CAPN8: variants seen among roughly 807,000 people sequenced by gnomAD.
The protein encoded by CAPN8 is calpain-8.
Under a neutral mutation model 80.9 loss-of-function variants are expected in CAPN8, and 87 were observed. That is an observed-to-expected ratio of 1.07 (90% CI 0.90 to 1.28). The LOEUF (loss-of-function observed/expected upper bound fraction) is 1.28, where lower values mean the gene tolerates loss of function less well. CAPN8 is among the 50% of genes most tolerant of loss of function. CAPN8 has a pLI of 0.00. For synonymous variants in CAPN8, 299 were observed against 273.8 expected (o/e 1.09, Z -0.91); for missense variants, 757 against 702.0 (o/e 1.08, Z -0.89).
intron 1 of CAPN8, among the ~76,000 whole-genome samples, chr1:223,660,812 A>C (rs1164858325): frequency 6.6e-6 from 1 of 152,210 alleles, no homozygotes; most frequent in South Asian, 2.1e-4. Context: ...CCAACACTGA[A>C]GAAGTACAAA....
chr1:223,627,064 C>A lies in CAPN8; in HGVS notation c.654G>T (p.Lys218Asn). ...TGGISEFYDL[K>N]KPPANLYQII... is the part of the protein sequence containing the mutation. ...TCTGATATAGATTGGCTGGTGGTTT[C>A]TTCAGGTCATAAAACTCAGAGATGC... The change falls in exon 5 of 21, where the codon AAG becomes AAT. Residue 218 changes from lysine (K) to asparagine (N), a missense_variant. By Grantham distance (94) the Lys-to-Asn change is moderately conservative (BLOSUM62 0). Transcript: ENST00000366872. The A allele has an allele frequency of 6.4e-7, 1 of 1,551,922 alleles. No individual in the cohort carries two copies. The highest frequency in any genetic ancestry group is 8.7e-7 in the Non-Finnish European group (1 of 1,147,022).
intron 15 of CAPN8, chr1:223,549,599 G>A (rs1013881407): frequency 4.1e-6 from 3 of 726,616 alleles, no homozygotes; most frequent in Non-Finnish European, 4.9e-6. Context: ...CAGCATCCAA[G>A]TACAGCATCT....
At chr1:223,627,269 C>T (rs1451933095) in intron 4 of CAPN8, 112 bp from the exon 5 acceptor site, 3 of 1,250,538 alleles carry the variant, frequency 2.4e-6, no homozygotes, top group Non-Finnish European at 3.3e-6. Context: ...TAAAGGAAGG[C>T]TCTTTGCCTA....
chr1:223,650,544 TC>T (rs1466889447), intron 2 of CAPN8, among the ~76,000 whole-genome samples: 4 of 152,142 alleles, frequency 2.6e-5, no homozygotes, highest in Admixed American at 6.5e-5. Context: ...TCATTAGTCG[TC>T]CTGTTTCCTG....
chr1:223,652,394 CAGATGACA>C (rs1335550883), intron 2 of CAPN8, among the ~76,000 whole-genome samples: 1 of 152,106 alleles, frequency 6.6e-6, no homozygotes, highest in Non-Finnish European at 1.5e-5. Context: ...GCAGATGACA[CAGATGACA>C]ATCTGTGTTG....
intron 6 of CAPN8, among the ~76,000 whole-genome samples, chr1:223,625,574 G>A (rs182088172): frequency 2.0e-5 from 3 of 152,294 alleles, no homozygotes; most frequent in Non-Finnish European, 4.4e-5. Context: ...TGGGATTACA[G>A]GTGTGAGCCA....
chr1:223,619,355 A>G lies in CAPN8; in HGVS notation c.1073T>C (p.Leu358Pro), dbSNP rs757171953. 6.4e-7 allele frequency: 1 copy of G among 1,551,690 alleles called. No individual in the cohort carries two copies. The highest frequency in any genetic ancestry group is 1.2e-5 in the South Asian group (1 of 84,060). ...LSSEEVHKWN[L>P]VLFNGHWTRG... is the part of the protein sequence containing the mutation. Reference sequence around the variant, plus strand: ...GGTCCAGTGGCCGTTGAACAGGACCAGGTTCCATTTGTGCACCTCCTCGCT... The same window carrying G: ...GGTCCAGTGGCCGTTGAACAGGACCGGGTTCCATTTGTGCACCTCCTCGCT... The change falls in exon 9 of 21, where the codon CTG (leucine) becomes CCG (proline). Residue 358 changes from leucine (L) to proline (P), a missense_variant. Coordinates refer to ENST00000366872, the MANE Select transcript of CAPN8 (RefSeq NM_001143962.2).
At chr1:223,650,911 A>T (rs571345063) in intron 2 of CAPN8, among the ~76,000 whole-genome samples, 2 of 152,286 alleles carry the variant, frequency 1.3e-5, no homozygotes, top group Admixed American at 6.5e-5. Flanking sequence ...AGACGTGCAT[A>T]GGCCAAAATG....
chr1:223,657,904 T>C (rs1032913747), intron 1 of CAPN8, among the ~76,000 whole-genome samples: 4 of 152,208 alleles, frequency 2.6e-5, no homozygotes, highest in African/African-American at 9.7e-5. Context: ...AACTTCTCTT[T>C]GCATTTGGTA....
chr1:223,647,999 G>A (rs942785934), intron 2 of CAPN8, among the ~76,000 whole-genome samples: 1 of 152,130 alleles, frequency 6.6e-6, no homozygotes, highest in Non-Finnish European at 1.5e-5. Context: ...GTTAGTGAGG[G>A]TTCATGGAAC....
rs779214215 is a variant in CAPN8, at chr1:223,627,068, A to C, written c.650T>G (p.Leu217Arg). ...FTGGISEFYDLKKPPANLYQI... is the reference protein window; with the variant it reads ...FTGGISEFYDRKKPPANLYQI... ...ATATAGATTGGCTGGTGGTTTCTTCAGGTCATAAAACTCAGAGATGCCACC... is the reference window on the plus strand; with the variant it reads ...ATATAGATTGGCTGGTGGTTTCTTCCGGTCATAAAACTCAGAGATGCCACC... Residue 217 changes from leucine (L) to arginine (R), a missense_variant, in exon 5 of 21, where the codon CTG (leucine) becomes CGG (arginine). Leu to Arg is a moderately radical substitution (Grantham distance 102, BLOSUM62 -2). Coordinates refer to ENST00000366872, the MANE Select transcript of CAPN8 (RefSeq NM_001143962.2). The C allele has an allele frequency of 6.4e-7, 1 of 1,551,988 alleles. No individual in the cohort carries two copies. Among genetic ancestry groups the C allele is most frequent in the East Asian group, 2.4e-5 (1 of 40,924 alleles).
At chr1:223,649,807 G>A (rs986526744) in intron 2 of CAPN8, among the ~76,000 whole-genome samples, 1 of 152,172 alleles carries the variant, frequency 6.6e-6, no homozygotes, top group South Asian at 2.1e-4. Context: ...CATTTATGGA[G>A]CCCTGCTAGG....
intron 2 of CAPN8, among the ~76,000 whole-genome samples, chr1:223,641,789 C>A (rs1379785063): frequency 6.6e-6 from 1 of 152,224 alleles, no homozygotes; most frequent in African/African-American, 2.4e-5. Context: ...TTCTTTCCCA[C>A]AAGAGGAAGG....
chr1:223,629,613 G>A (rs1657716232), intron 2 of CAPN8, among the ~76,000 whole-genome samples: 1 of 152,218 alleles, frequency 6.6e-6, no homozygotes, highest in Non-Finnish European at 1.5e-5. Flanking sequence ...AGGCACCACT[G>A]CCTACCTTAG....
intron 2 of CAPN8, among the ~76,000 whole-genome samples, chr1:223,639,159 G>C (rs558008495): frequency 2.0e-5 from 3 of 152,294 alleles, no homozygotes; most frequent in African/African-American, 7.2e-5. Context: ...AGAATTGCTT[G>C]AACCTGGGAG....
intron 2 of CAPN8, among the ~76,000 whole-genome samples, chr1:223,650,354 C>A (rs1230993697): frequency 6.6e-6 from 1 of 152,154 alleles, no homozygotes; most frequent in Admixed American, 6.5e-5. Context: ...AGAGGAGGTT[C>A]CCAGTCACAA....
At chr1:223,638,540 G>A (rs1657969348) in intron 2 of CAPN8, among the ~76,000 whole-genome samples, 1 of 152,118 alleles carries the variant, frequency 6.6e-6, no homozygotes, top group South Asian at 2.1e-4. Context: ...CCCCGCCTGA[G>A]TATAATCTCT....
chr1:223,542,046 G>C (rs1656479371), intron 20 of CAPN8, among the ~76,000 whole-genome samples, 187 bp from the exon 21 acceptor site: 1 of 152,042 alleles, frequency 6.6e-6, no homozygotes, highest in Non-Finnish European at 1.5e-5. Context: ...GGGTACTACA[G>C]AAATGTGACT....
At chr1:223,545,056 G>A in intron 17 of CAPN8, 175 bp downstream of exon 17, 1 of 1,378,842 alleles carries the variant, frequency 7.3e-7, no homozygotes, top group Non-Finnish European at 9.8e-7. Flanking sequence ...GGCTTTCAGG[G>A]CAGTGGTTGG....
Sources: gnomAD v4.1 joint callset for allele counts (sites outside exome capture counted in the v4.1 genomes callset) on GRCh38, gnomAD v4.1.1 for gene constraint, MANE v1.5 for transcripts, NCBI Gene and HGNC (gene_info 2026-07-23, HGNC 2026-07-21) for gene names.